Variants in APBB2 observed in about 807,000 individuals in gnomAD.
The protein encoded by APBB2 is Fe65-like 1.
A neutral mutation model predicts 82.5 loss-of-function variants in APBB2; 38 were observed. The observed-to-expected ratio is 0.46, with a 90% confidence interval of 0.36 to 0.60. The LOEUF (loss-of-function observed/expected upper bound fraction) is 0.60. Ranked by LOEUF, APBB2 falls within the 20% of genes least tolerant of loss-of-function variation. The probability of loss-of-function intolerance (pLI) is 0.00; values close to 1 mark genes in which losing one functional copy is unlikely to be tolerated. For synonymous variants in APBB2, 341 were observed against 368.2 expected (o/e 0.93, Z 0.85); for missense variants, 772 against 972.3 (o/e 0.79, Z 2.74).
intron 10 of APBB2, among the ~76,000 whole-genome samples, chr4:40,904,096 C>T (rs919544124): frequency 6.6e-6 from 1 of 150,746 alleles, no homozygotes; most frequent in Non-Finnish European, 1.5e-5. Context: ...GATTTCTGCC[C>T]GCAGCCCAGG....
At chr4:40,871,217 C>T (rs114746074) in intron 12 of APBB2, among the ~76,000 whole-genome samples, 2,223 of 152,330 alleles carry the variant, frequency 0.015, 24 homozygotes, top group Non-Finnish European at 0.025. Flanking sequence ...TCTTGGCTCA[C>T]TGCAACCTCC....
At chr4:40,983,682 A>G (rs1255481389) in intron 6 of APBB2, among the ~76,000 whole-genome samples, 1 of 152,012 alleles carries the variant, frequency 6.6e-6, no homozygotes. Flanking sequence ...CATTTAAGCA[A>G]TTCTCCTGCC....
intron 4 of APBB2, among the ~76,000 whole-genome samples, chr4:41,050,772 A>C (rs188162612): frequency 6.6e-6 from 1 of 152,350 alleles, no homozygotes; most frequent in Non-Finnish European, 1.5e-5. Flanking sequence ...ACAGAAGTCC[A>C]AATTGTCAAG....
At chr4:40,982,143 C>A (rs770939264) in intron 6 of APBB2, among the ~76,000 whole-genome samples, 1 of 148,214 alleles carries the variant, frequency 6.7e-6, no homozygotes, top group Non-Finnish European at 1.5e-5. Context: ...CGAGGTCACA[C>A]CATTGCACTC....
intron 1 of APBB2, chr4:41,207,804 C>T (rs537153493): frequency 6.6e-6 from 1 of 152,282 alleles, no homozygotes; most frequent in South Asian, 2.1e-4. Flanking sequence ...GGGCAGGCCT[C>T]CCTGCATCTC....
At chr4:40,915,389 C>T (rs745848817) in intron 10 of APBB2, among the ~76,000 whole-genome samples, 19 of 152,272 alleles carry the variant, frequency 1.2e-4, no homozygotes, top group Admixed American at 8.5e-4. Context: ...CTGGAATGTA[C>T]GTTACACAAA....
chr4:41,041,367 A>G (rs901065207), intron 4 of APBB2, among the ~76,000 whole-genome samples: 1 of 152,252 alleles, frequency 6.6e-6, no homozygotes, highest in Non-Finnish European at 1.5e-5. Flanking sequence ...AGAGTATTTA[A>G]TAAGTATATG....
intron 17 of APBB2, among the ~76,000 whole-genome samples, chr4:40,820,947 C>T (rs888826632): frequency 2.5e-4 from 38 of 152,098 alleles, no homozygotes; most frequent in African/African-American, 8.5e-4. Context: ...CGGTTCACTG[C>T]AACCTCTGCC....
At chr4:40,979,695 T>C (rs1298324310) in intron 6 of APBB2, among the ~76,000 whole-genome samples, 1 of 152,100 alleles carries the variant, frequency 6.6e-6, no homozygotes, top group African/African-American at 2.4e-5. Flanking sequence ...GGATGGAAAG[T>C]GAGCCTGGCT....
chr4:40,989,855 A>C (rs142805093), intron 6 of APBB2, among the ~76,000 whole-genome samples: 500 of 152,366 alleles, frequency 3.3e-3, no homozygotes, highest in African/African-American at 8.6e-3. Flanking sequence ...TGGCAGCAAG[A>C]TAACAATCAC....
At chr4:41,185,337 T>G (rs1225748986) in intron 1 of APBB2, among the ~76,000 whole-genome samples, 1 of 152,198 alleles carries the variant, frequency 6.6e-6, no homozygotes, top group Non-Finnish European at 1.5e-5. Context: ...TGTACTAAGT[T>G]TTCCTAAGGT....
chr4:40,993,324 A>G (rs1802662576), intron 6 of APBB2, among the ~76,000 whole-genome samples: 1 of 147,376 alleles, frequency 6.8e-6, no homozygotes, highest in Admixed American at 6.7e-5. Flanking sequence ...CAGTAGTTTA[A>G]TTTCTGGAGC....
intron 10 of APBB2, among the ~76,000 whole-genome samples, chr4:40,900,791 T>A (rs749767812): frequency 1.4e-4 from 21 of 149,362 alleles, no homozygotes; most frequent in Non-Finnish European, 2.8e-4. Flanking sequence ...GAGTTAGTGA[T>A]GGACAGTTTC....
intron 1 of APBB2, among the ~76,000 whole-genome samples, chr4:41,162,576 A>C (rs1286766924): frequency 6.6e-6 from 1 of 152,214 alleles, no homozygotes; most frequent in Non-Finnish European, 1.5e-5. Flanking sequence ...AGAACAGGCA[A>C]GGCACAGTGG....
intron 5 of APBB2, among the ~76,000 whole-genome samples, chr4:41,027,057 A>G (rs1390869522): frequency 3.3e-5 from 5 of 152,088 alleles, no homozygotes; most frequent in African/African-American, 1.2e-4. Context: ...GTTTTGTTAC[A>G]GTTTGTTTCA....
At chr4:41,114,642 A>C (rs1312540025) in intron 2 of APBB2, among the ~76,000 whole-genome samples, 1 of 152,240 alleles carries the variant, frequency 6.6e-6, no homozygotes, top group Non-Finnish European at 1.5e-5. Flanking sequence ...TACAAAATCA[A>C]TGTGCAAAAA....
intron 3 of APBB2, among the ~76,000 whole-genome samples, chr4:41,072,804 T>C (rs528078862): frequency 6.4e-4 from 97 of 152,308 alleles, no homozygotes; most frequent in Non-Finnish European, 1.1e-3. Flanking sequence ...TGCCCTGATG[T>C]GAACAATCTA....
intron 7 of APBB2, among the ~76,000 whole-genome samples, chr4:40,938,316 A>C (rs1445604350): frequency 6.6e-6 from 1 of 152,198 alleles, no homozygotes; most frequent in Non-Finnish European, 1.5e-5. Flanking sequence ...TTAGCTCCTC[A>C]GAGACAGTGT....
intron 10 of APBB2, among the ~76,000 whole-genome samples, chr4:40,898,177 G>A (rs571909360): frequency 6.6e-5 from 10 of 152,170 alleles, no homozygotes; most frequent in East Asian, 1.9e-4. Context: ...CAGCATGTGC[G>A]AGGCCCAAAG....
Sources: gnomAD v4.1 joint callset for allele counts (sites outside exome capture counted in the v4.1 genomes callset) on GRCh38, gnomAD v4.1.1 for gene constraint, MANE v1.5 for transcripts, NCBI Gene and HGNC (gene_info 2026-07-23, HGNC 2026-07-21) for gene names.